Variants in WDFY1 observed in about 807,000 individuals in gnomAD.
WDFY1 encodes WD repeat and FYVE domain containing 1.
A neutral mutation model predicts 56.4 loss-of-function variants in WDFY1; 32 were observed. That is an observed-to-expected ratio of 0.57 (90% CI 0.43 to 0.76). The LOEUF (loss-of-function observed/expected upper bound fraction) is 0.76. WDFY1 is among the 30% of genes least tolerant of loss of function. The pLI, the probability that WDFY1 is intolerant of heterozygous loss-of-function variation, is 0.00. For missense variants in WDFY1, 480 were observed against 545.7 expected, an observed-to-expected ratio of 0.88 and a Z score of 1.20; for synonymous variants, 192 against 197.3, an observed-to-expected ratio of 0.97 and a Z score of 0.23.
intron 1 of WDFY1, among the ~76,000 whole-genome samples, chr2:223,942,460 C>T (rs1368560469): frequency 2.0e-5 from 3 of 151,354 alleles, no homozygotes; most frequent in Non-Finnish European, 2.9e-5. Flanking sequence ...CCTTGTTATC[C>T]ACCCGCCTCG....
At chr2:223,910,389 T>C (rs546630599) in intron 3 of WDFY1, among the ~76,000 whole-genome samples, 1 of 151,230 alleles carries the variant, frequency 6.6e-6, no homozygotes, top group Non-Finnish European at 1.5e-5. Context: ...TTCTTAGATA[T>C]GGTATCTAAA....
chr2:223,935,851 T>C (rs891950391), intron 1 of WDFY1, among the ~76,000 whole-genome samples: 1 of 152,030 alleles, frequency 6.6e-6, no homozygotes, highest in Non-Finnish European at 1.5e-5. Flanking sequence ...GAAGTGGATC[T>C]AGGAGATGAA....
intron 6 of WDFY1, among the ~76,000 whole-genome samples, chr2:223,897,540 G>A (rs532776949): frequency 6.6e-6 from 1 of 151,670 alleles, no homozygotes; most frequent in Admixed American, 6.6e-5. Flanking sequence ...CCAACGTCCA[G>A]CTAATGTTTT....
intron 8 of WDFY1, among the ~76,000 whole-genome samples, chr2:223,887,187 G>A (rs1297514822): frequency 6.6e-6 from 1 of 152,206 alleles, no homozygotes; most frequent in Admixed American, 6.5e-5. Flanking sequence ...GGAGGCTGGT[G>A]ATGTGTGGGG....
chr2:223,899,128 A>G (rs1693457203), intron 5 of WDFY1, 58 bp from the exon 6 acceptor site: 1 of 1,378,370 alleles, frequency 7.3e-7, no homozygotes, highest in Admixed American at 1.7e-5. Context: ...CTCTCATAAG[A>G]GAGATACCAG....
Position 223,945,243 on chromosome 2 carries a change from C to G in WDFY1, c.42G>C (p.Pro14=). ...GCCCCTCGATCTTGCTCAGCAGCAC[C>G]GGGCGGCTGCTCTGCGGCCTGGAGT... ...EIHSRPQSSR[P]VLLSKIEGHQ... is the part of the protein sequence containing the mutation. Residue 14 remains proline, a synonymous_variant, in exon 1 of 12, where the codon CCG becomes CCC. Transcript: ENST00000233055. The G allele has an allele frequency of 6.3e-7, 1 of 1,590,998 alleles. No homozygotes were observed. The highest frequency in any genetic ancestry group is 1.1e-5 in the South Asian group (1 of 89,474).
At chr2:223,912,061 C>T (rs1054996295) in intron 3 of WDFY1, among the ~76,000 whole-genome samples, 192 bp downstream of exon 3, 14 of 152,110 alleles carry the variant, frequency 9.2e-5, no homozygotes, top group African/African-American at 3.1e-4. Context: ...GCGATCCGCC[C>T]GCCTCAGCCT....
At chr2:223,909,066 C>T (rs1430342239) in intron 3 of WDFY1, among the ~76,000 whole-genome samples, 1 of 152,122 alleles carries the variant, frequency 6.6e-6, no homozygotes, top group Non-Finnish European at 1.5e-5. Context: ...CTCACAAAAA[C>T]CAGAAACCTG....
rs566581044 is a variant in WDFY1, at chr2:223,919,293, C to T, written c.138-1283G>A. On this transcript the variant is annotated intron_variant, in intron 1 of 11. Transcript: ENST00000233055. ...TGGCACGATCTCGGCTCACTGCAAC[C>T]GCCACCTCCCGGGTTCAAGGGATTC... 2.4e-4 allele frequency among the ~76,000 whole-genome samples: 37 copies of T among 152,294 alleles called. 1 individual carries two copies. Among genetic ancestry groups the T allele is most frequent in the South Asian group, 4.1e-4 (2 of 4,826 alleles).
intron 1 of WDFY1, among the ~76,000 whole-genome samples, chr2:223,926,399 G>A (rs551233716): frequency 1.3e-5 from 2 of 152,138 alleles, no homozygotes; most frequent in African/African-American, 2.4e-5. Context: ...CCAAAGTGCT[G>A]AGACTACAAG....
intron 8 of WDFY1, 87 bp downstream of exon 8, chr2:223,894,147 T>C (rs573415075): frequency 1.5e-6 from 2 of 1,343,520 alleles, no homozygotes; most frequent in Non-Finnish European, 2.1e-6. Context: ...TGGACCAGCA[T>C]TTACAGCTTG....
At chr2:223,908,165 T>C (rs955749227) in intron 3 of WDFY1, among the ~76,000 whole-genome samples, 2 of 152,190 alleles carry the variant, frequency 1.3e-5, no homozygotes, top group African/African-American at 4.8e-5. Context: ...CCAAGGCTGC[T>C]TCTTTCATTA....
chr2:223,933,230 G>T (rs1694110552), intron 1 of WDFY1, among the ~76,000 whole-genome samples: 2 of 152,120 alleles, frequency 1.3e-5, no homozygotes, highest in Non-Finnish European at 2.9e-5. Context: ...TTAGACTGCT[G>T]ATGTCACCAC....
chr2:223,881,552 G>A lies in WDFY1; in HGVS notation c.1064+390C>T, dbSNP rs569756038. 3.9e-5 allele frequency among the ~76,000 whole-genome samples: 6 copies of A among 152,314 alleles called. No homozygotes were observed. In the South Asian group the frequency reaches 1.2e-3, roughly 32 times the overall value. On this transcript the variant is annotated intron_variant, in intron 10 of 11. Coordinates refer to ENST00000233055, the MANE Select transcript of WDFY1 (RefSeq NM_020830.5). ...CGCCTGTAATCCTGGCACTTTGAGA[G>A]GCCAAGGTGGGTAGATCACTTGAGG... is the stretch of plus-strand genomic sequence containing the variant.
At chr2:223,903,499 G>C (rs1369777618) in intron 4 of WDFY1, among the ~76,000 whole-genome samples, 1 of 148,550 alleles carries the variant, frequency 6.7e-6, no homozygotes, top group Non-Finnish European at 1.5e-5. Context: ...CTCCAGTGTG[G>C]GCAACAGAGT....
intron 1 of WDFY1, among the ~76,000 whole-genome samples, chr2:223,939,251 C>CA (rs572585190): frequency 2.9e-3 from 444 of 152,294 alleles, no homozygotes; most frequent in African/African-American, 0.01. Context: ...ACAAGACCCC[C>CA]AGGTGATTCT....
intron 8 of WDFY1, among the ~76,000 whole-genome samples, chr2:223,885,946 T>C (rs768647551): frequency 2.6e-5 from 4 of 152,360 alleles, no homozygotes; most frequent in African/African-American, 7.2e-5. Flanking sequence ...GAGTTACTTT[T>C]TGGTATTATT....
At chr2:223,880,532 G>C (rs1693048915) in intron 10 of WDFY1, among the ~76,000 whole-genome samples, 2 of 151,476 alleles carry the variant, frequency 1.3e-5, no homozygotes, top group Non-Finnish European at 2.9e-5. Context: ...GCTTGAACCT[G>C]GGAGGTGGGG....
intron 3 of WDFY1, among the ~76,000 whole-genome samples, chr2:223,908,492 G>C (rs551645608): frequency 6.6e-6 from 1 of 152,220 alleles, no homozygotes; most frequent in Admixed American, 6.5e-5. Context: ...CTGCCCTCCA[G>C]CTTCCGTGGC....
Sources: gnomAD v4.1 joint callset for allele counts (sites outside exome capture counted in the v4.1 genomes callset) on GRCh38, gnomAD v4.1.1 for gene constraint, MANE v1.5 for transcripts, NCBI Gene and HGNC (gene_info 2026-07-23, HGNC 2026-07-21) for gene names.